The following THOC1 variants were observed in gnomAD, a reference collection of about 807,000 sequenced individuals.
THOC1 encodes the protein THO complex 1.
A neutral mutation model predicts 97.3 loss-of-function variants in THOC1; 29 were observed. The ratio of observed to expected loss-of-function variants is 0.30; its 90% confidence interval spans 0.22 to 0.41. The LOEUF is 0.41. THOC1 is among the 10% of genes least tolerant of loss of function. THOC1 has a pLI of 1.00. For missense variants in THOC1, 529 were observed against 761.9 expected, an observed-to-expected ratio of 0.69 and a Z score of 3.60; for synonymous variants, 255 against 257.0, an observed-to-expected ratio of 0.99 and a Z score of 0.07.
intron 10 of THOC1, 111 bp from the exon 11 acceptor site, chr18:246,566 G>C (rs1912095304): frequency 1.2e-6 from 1 of 841,034 alleles, no homozygotes; most frequent in East Asian, 2.6e-5. Context: ...TATGTAGACT[G>C]TATATTGCAA....
Position 265,538 on chromosome 18 carries a change from A to T in THOC1, c.55-8T>A, listed in dbSNP as rs979530499. 1.3e-6 allele frequency: 2 copies of T among 1,557,102 alleles called. No homozygotes were observed. ...GGCCTCTCTGGTAGACTTCTAAAAAAAAATTAAAATGGCAAATAATTGTAA... is the reference window on the plus strand; with the variant it reads ...GGCCTCTCTGGTAGACTTCTAAAAATAAATTAAAATGGCAAATAATTGTAA... On this transcript the variant is annotated splice_polypyrimidine_tract_variant and splice_region_variant and intron_variant, in intron 1 of 20. Transcript: ENST00000261600.
chr18:259,720 T>C lies in THOC1; in HGVS notation c.386A>G (p.Tyr129Cys). ...TAGTAAGTAATTTTTCCCAGCAGAA[T>C]AGAATGTATTCTGAAATTAAGACGG... ...NVATWKSNTF[Y>C]SAGKNYLLRM... The change falls in exon 6 of 21, where the codon TAT (tyrosine) becomes TGT (cysteine). Residue 129 changes from tyrosine (Y) to cysteine (C), a missense_variant. Physicochemically the swap from Tyr to Cys is radical, Grantham distance 194 (BLOSUM62 -2). Transcript: ENST00000261600. 2 of 1,547,974 alleles carry C rather than the reference T, an allele frequency of 1.3e-6. No homozygotes were observed. The highest frequency in any genetic ancestry group is 1.7e-6 in the Non-Finnish European group (2 of 1,145,382).
chr18:246,651 A>T (rs1483778413), intron 10 of THOC1, among the ~76,000 whole-genome samples, 196 bp from the exon 11 acceptor site: 1 of 152,094 alleles, frequency 6.6e-6, no homozygotes, highest in African/African-American at 2.4e-5. Flanking sequence ...ACTTGTTGCA[A>T]AAGTAGGTAC....
chr18:267,048 C>T lies in THOC1; in HGVS notation c.54+918G>A, dbSNP rs151072953. On this transcript the variant is annotated intron_variant, in intron 1 of 20. Coordinates refer to ENST00000261600, the MANE Select transcript of THOC1 (RefSeq NM_005131.3). ...ATATATATATATATAACCCTGCAAA[C>T]AAGAAAACTACTTACTACAAAGGAT... is the stretch of plus-strand genomic sequence containing the variant. 4.6e-5 allele frequency among the ~76,000 whole-genome samples: 7 copies of T among 150,630 alleles called. No homozygotes were observed. The East Asian group carries it at 7.8e-4, about 17-fold the overall frequency.
intron 9 of THOC1, among the ~76,000 whole-genome samples, chr18:249,533 G>A (rs987003918): frequency 3.9e-5 from 6 of 151,958 alleles, no homozygotes; most frequent in African/African-American, 1.2e-4. Context: ...ATTGTGGTGC[G>A]TGCTTGTAGT....
At position 221,307 on chromosome 18, in the gene THOC1, GGGT is replaced by G. The variant is rs931419228; in HGVS notation, c.1370+2130_1370+2132del. ...AATCCTACTAGATGGTAGGTTTTCT[GGGT>G]GGTGGTGGATGGTGAAAACTGACCC... On this transcript the variant is annotated intron_variant, in intron 17 of 20. Transcript: ENST00000261600. 3.6e-3 allele frequency among the ~76,000 whole-genome samples: 540 copies of G among 152,036 alleles called. 1 individual carries two copies. The highest frequency in any genetic ancestry group is 0.012 in the African/African-American group (503 of 41,442).
At chr18:221,671 C>G (rs62073496) in intron 17 of THOC1, among the ~76,000 whole-genome samples, 3 of 136,606 alleles carry the variant, frequency 2.2e-5, no homozygotes, top group African/African-American at 5.5e-5. Flanking sequence ...TGCAGTGGTG[C>G]GATCTCGACT....
chr18:217,351 T>C (rs900469208), intron 18 of THOC1, among the ~76,000 whole-genome samples: 3 of 152,248 alleles, frequency 2.0e-5, no homozygotes, highest in Non-Finnish European at 4.4e-5. Flanking sequence ...CTCTCTGACA[T>C]ATCTGTTTAG....
chr18:229,120 G>A (rs945413847), intron 11 of THOC1, among the ~76,000 whole-genome samples: 6 of 152,158 alleles, frequency 3.9e-5, no homozygotes, highest in Non-Finnish European at 7.4e-5. Flanking sequence ...CACGGCTAAA[G>A]GTATTCCATC....
chr18:248,555 T>C (rs2143259040), intron 9 of THOC1, among the ~76,000 whole-genome samples: 1 of 152,308 alleles, frequency 6.6e-6, no homozygotes, highest in East Asian at 1.9e-4. Context: ...TGAATCTATG[T>C]TAAAAGTCAC....
At chr18:256,389 G>A (rs770720120) in intron 7 of THOC1, among the ~76,000 whole-genome samples, 10 of 152,188 alleles carry the variant, frequency 6.6e-5, no homozygotes, top group Non-Finnish European at 1.5e-4. Flanking sequence ...GACTTCAGTG[G>A]AGGAAGTAAC....
chr18:263,940 TGGA>T, intron 4 of THOC1, 83 bp downstream of exon 4: 1 of 1,020,898 alleles, frequency 9.8e-7, no homozygotes, highest in East Asian at 2.5e-5. Flanking sequence ...ATCAGATAGG[TGGA>T]GAAGTATGGG....
chr18:257,962 G>A (rs970330262), intron 7 of THOC1, among the ~76,000 whole-genome samples: 6 of 151,934 alleles, frequency 3.9e-5, no homozygotes, highest in African/African-American at 1.2e-4. Flanking sequence ...AGAGATAATG[G>A]CTAAATTTTT....
intron 11 of THOC1, 47 bp from the exon 12 acceptor site, chr18:226,948 C>G (rs1236641844): frequency 1.8e-5 from 25 of 1,414,222 alleles, no homozygotes; most frequent in Non-Finnish European, 2.3e-5. Flanking sequence ...ACATTAAAAT[C>G]AAGTTTTTCC....
intron 11 of THOC1, among the ~76,000 whole-genome samples, chr18:238,749 A>T (rs1911796695): frequency 6.6e-6 from 1 of 152,252 alleles, no homozygotes; most frequent in Non-Finnish European, 1.5e-5. Flanking sequence ...GCATGACTGT[A>T]CTGTGAAGTA....
intron 4 of THOC1, chr18:260,949 G>C (rs984820376): frequency 6.6e-6 from 1 of 152,060 alleles, no homozygotes; most frequent in Admixed American, 6.5e-5. Context: ...CCAGATGAAT[G>C]GTAGCTTTTA....
At chr18:214,963 A>G (rs774038486) in intron 20 of THOC1, 42 bp from the exon 21 acceptor site, 2 of 1,582,390 alleles carry the variant, frequency 1.3e-6, no homozygotes, top group African/African-American at 1.4e-5. Context: ...AATTCTAAGT[A>G]TACAACAGAA....
intron 15 of THOC1, 39 bp downstream of exon 15, chr18:224,885 G>A: frequency 6.7e-7 from 1 of 1,483,826 alleles, no homozygotes; most frequent in Non-Finnish European, 9.2e-7. Flanking sequence ...TCGTTCTTGT[G>A]ATGAGTATGT....
intron 11 of THOC1, among the ~76,000 whole-genome samples, chr18:238,211 C>G (rs1911776702): frequency 6.6e-6 from 1 of 151,304 alleles, no homozygotes; most frequent in African/African-American, 2.5e-5. Flanking sequence ...AAAAAAAGTT[C>G]TTAAAAAAAT....
Sources: allele counts gnomAD v4.1 joint callset (sites outside exome capture counted in the v4.1 genomes callset), GRCh38; gene constraint gnomAD v4.1.1; transcripts MANE v1.5; gene names NCBI Gene and HGNC (gene_info 2026-07-23, HGNC 2026-07-21).